Variants in FAM184B observed in about 807,000 individuals in gnomAD.
FAM184B encodes family with sequence similarity 184 member B.
FAM184B carries 111 observed loss-of-function variants against 135.9 expected under a neutral mutation model. The ratio of observed to expected loss-of-function variants is 0.82; its 90% CI spans 0.70 to 0.96. The LOEUF (loss-of-function observed/expected upper bound fraction) is 0.96. Among genes scored for constraint, FAM184B ranks in the 40% least tolerant of loss-of-function variants. The pLI, the probability that FAM184B is intolerant of heterozygous loss-of-function variation, is 0.00. For synonymous variants in FAM184B, 552 were observed against 524.8 expected (o/e 1.05, Z -0.71); for missense variants, 1,375 against 1,323.9 (o/e 1.04, Z -0.60).
chr4:17,689,607 T>C (rs10939748), intron 6 of FAM184B, among the ~76,000 whole-genome samples: 91,926 of 151,932 alleles, frequency 0.61, 28,363 homozygotes, highest in East Asian at 0.87. Context: ...GTCCATTTGC[T>C]CTGTGCCACC....
rs143271962 is a variant in FAM184B at position 17,742,077 on chromosome 4, G to A, written c.142-32433C>T. Among the ~76,000 whole-genome samples the A allele has an allele frequency of 5.2e-3, 781 of 150,312 alleles. 9 individuals carry two copies. Among genetic ancestry groups the A allele is most frequent in the African/African-American group, 0.018 (738 of 40,886 alleles). ...TTGGACACTTAAAAATTTACCAAGA[G>A]GGTAGCTCTCATGTTAAGTGTTCTC... On this transcript the variant is annotated intron_variant, in intron 1 of 17. Transcript: ENST00000265018.
intron 1 of FAM184B, among the ~76,000 whole-genome samples, chr4:17,742,168 A>ATTTTT (rs869228150): frequency 5.5e-5 from 6 of 109,286 alleles, no homozygotes; most frequent in African/African-American, 2.9e-4. Flanking sequence ...ATATATATAT[A>ATTTTT]TTTTTTTTTT....
At chr4:17,643,700 C>T (rs1389648838) in intron 12 of FAM184B, among the ~76,000 whole-genome samples, 1 of 152,198 alleles carries the variant, frequency 6.6e-6, no homozygotes, top group African/African-American at 2.4e-5. Context: ...ACAGAAATTG[C>T]CTTCCTATGC....
At chr4:17,695,768 G>A (rs1157317002) in intron 5 of FAM184B, among the ~76,000 whole-genome samples, 1 of 152,206 alleles carries the variant, frequency 6.6e-6, no homozygotes, top group Non-Finnish European at 1.5e-5. Flanking sequence ...GTCTGCATGT[G>A]TCAAGCTTGA....
At chr4:17,717,387 T>C (rs1484386640) in intron 1 of FAM184B, among the ~76,000 whole-genome samples, 1 of 152,182 alleles carries the variant, frequency 6.6e-6, no homozygotes, top group Non-Finnish European at 1.5e-5. Flanking sequence ...TTTTGAGCAG[T>C]CCGCTCTTCT....
intron 5 of FAM184B, among the ~76,000 whole-genome samples, chr4:17,697,886 A>G (rs6449325): frequency 0.61 from 93,003 of 151,982 alleles, 29,028 homozygotes; most frequent in East Asian, 0.93. Flanking sequence ...GATGGAAATA[A>G]TCAATTTCAG....
chr4:17,706,147 G>A lies in FAM184B; in HGVS notation c.1031-256C>T, dbSNP rs145757229. On this transcript the variant is annotated intron_variant, in intron 3 of 17. Transcript: ENST00000265018. ...TAACCTCCAAATCTTTTTGACTGCAGTTTCTATAGGTTAAAAAAGTTGAGC... is the reference window on the plus strand; with the variant it reads ...TAACCTCCAAATCTTTTTGACTGCAATTTCTATAGGTTAAAAAAGTTGAGC... Among the ~76,000 whole-genome samples, 918 of 152,254 alleles carry A rather than the reference G, an allele frequency of 6.0e-3. 7 individuals carry two copies. The highest frequency in any genetic ancestry group is 0.021 in the African/African-American group (876 of 41,528).
At chr4:17,672,904 A>G (rs1433445669) in intron 7 of FAM184B, among the ~76,000 whole-genome samples, 4 of 152,154 alleles carry the variant, frequency 2.6e-5, no homozygotes, top group Admixed American at 2.0e-4. Flanking sequence ...AGAATGATTT[A>G]GGGAGGGCTC....
chr4:17,671,689 A>C (rs1446868176), intron 7 of FAM184B, among the ~76,000 whole-genome samples: 2 of 152,108 alleles, frequency 1.3e-5, no homozygotes, highest in Non-Finnish European at 2.9e-5. Flanking sequence ...AAATAGTTAT[A>C]TGATTTACCT....
rs565245907 is a variant in FAM184B, at chr4:17,635,171, C to T, written c.2785-58G>A. On this transcript the variant is annotated intron_variant, in intron 15 of 17. Transcript: ENST00000265018. ...CCTAACCACACAGCACTGGGTTTGACTTGAAGGAAGATGGCTGTGAGGGCA... is the reference window on the plus strand; with the variant it reads ...CCTAACCACACAGCACTGGGTTTGATTTGAAGGAAGATGGCTGTGAGGGCA... 5.7e-5 allele frequency: 78 copies of T among 1,372,662 alleles called. No individual in the cohort carries two copies. The African/African-American group carries it at 1.1e-3, about 19-fold the overall frequency. The allele number at this position is 1,372,662 out of a possible 1,614,324, so 85.0% of individuals were successfully genotyped here. A position where few individuals can be genotyped will look rare whatever the true frequency, so the allele number is the denominator to read the frequency against.
In FAM184B at chr4:17,709,625, G is replaced by C; in HGVS notation, c.161C>G (p.Thr54Ser). ...QLTKVIYALN[T>S]RQDEAEASME... ...GCTGGCCTCAGCCTCATCCTGGCGG[G>C]TGTTCAGGGCATAAATCACCTGCAG... Residue 54 changes from threonine (T) to serine (S), a missense_variant, in exon 2 of 18, where the codon ACC becomes AGC. Physicochemically the swap from Thr to Ser is moderately conservative, Grantham distance 58. Coordinates refer to ENST00000265018, the MANE Select transcript of FAM184B (RefSeq NM_015688.2). 6.6e-7 allele frequency: 1 copy of C among 1,518,138 alleles called. No homozygotes were observed. The highest frequency in any genetic ancestry group is 8.8e-7 in the Non-Finnish European group (1 of 1,134,152). 94.0% of individuals were successfully genotyped at this position (1,518,138 alleles called of 1,614,324 possible). A position where few individuals can be genotyped will look rare whatever the true frequency, so the allele number is the denominator to read the frequency against.
intron 1 of FAM184B, among the ~76,000 whole-genome samples, chr4:17,770,928 A>G (rs141055088): frequency 5.9e-5 from 9 of 152,334 alleles, no homozygotes; most frequent in Non-Finnish European, 1.2e-4. Flanking sequence ...ACCACAACCA[A>G]CTTTAGAACA....
chr4:17,746,892 G>A (rs1462825008), intron 1 of FAM184B, among the ~76,000 whole-genome samples: 2 of 151,642 alleles, frequency 1.3e-5, no homozygotes, highest in African/African-American at 4.9e-5. Context: ...ACAAAAATTA[G>A]CTGGTTATGG....
rs1198873005 is a variant in FAM184B, at chr4:17,641,983, G to A, written c.2519+73C>T. 17 of 1,450,226 alleles carry A rather than the reference G, an allele frequency of 1.2e-5. No individual in the cohort carries two copies. The Admixed American group carries it at 1.7e-4, about 14-fold the overall frequency. The allele number at this position is 1,450,226 out of a possible 1,614,324, so 89.8% of individuals were successfully genotyped here. On this transcript the variant is annotated intron_variant, in intron 13 of 17. Coordinates refer to ENST00000265018, the MANE Select transcript of FAM184B (RefSeq NM_015688.2). ...TTTCAGGTCTCAGGCTCAGCCAGCC[G>A]CAGTAGGGGGAGGGGGGGTGGCGGG...
chr4:17,693,576 G>A (rs957905579), intron 5 of FAM184B, among the ~76,000 whole-genome samples, 164 bp from the exon 6 acceptor site: 4 of 152,246 alleles, frequency 2.6e-5, no homozygotes, highest in South Asian at 2.1e-4. Flanking sequence ...AAGAAAACAC[G>A]TGTTAACGTC....
At position 17,659,922 on chromosome 4, in the gene FAM184B, C is replaced by T. The variant is rs929140051; in HGVS notation, c.1824+36G>A. 4 of 1,547,144 alleles carry T rather than the reference C, an allele frequency of 2.6e-6. No homozygotes were observed. In the African/African-American group the frequency reaches 4.1e-5, roughly 16 times the overall value. On this transcript the variant is annotated intron_variant, in intron 9 of 17. Transcript: ENST00000265018. The stretch of plus-strand genomic sequence containing the variant: ...TTGTAAAAAGGAGGGGGCAGGATCT[C>T]AGGAAGGGGGCACATCCCCACCAGG...
chr4:17,653,844 A>G (rs1715699224), intron 10 of FAM184B, among the ~76,000 whole-genome samples: 1 of 95,516 alleles, frequency 1.0e-5, no homozygotes, highest in Non-Finnish European at 2.1e-5. Context: ...GTGGGCCTCA[A>G]TCACAAGGGT....
intron 1 of FAM184B, among the ~76,000 whole-genome samples, chr4:17,759,276 A>T (rs1718489564): frequency 6.6e-6 from 1 of 152,162 alleles, no homozygotes; most frequent in African/African-American, 2.4e-5. Context: ...GTGAGTTCTC[A>T]TGAGATCTGG....
rs1237593579 is a variant in FAM184B at position 17,664,535 on chromosome 4, C to T, written c.1694+27G>A. On this transcript the variant is annotated intron_variant, in intron 8 of 17. Transcript: ENST00000265018. ...ATCTGAGTCCTCATTCAATGGAGCA[C>T]TCAGAAGTCTGCATGTCCTCCTGTA... is the stretch of plus-strand genomic sequence containing the variant. The T allele has an allele frequency of 1.1e-5, 17 of 1,511,720 alleles. No homozygotes were observed. In the East Asian group the frequency reaches 4.2e-4, roughly 37 times the overall value. 93.6% of individuals were successfully genotyped at this position (1,511,720 alleles called of 1,614,324 possible). A position where few individuals can be genotyped will look rare whatever the true frequency, so the allele number is the denominator to read the frequency against.
Sources: gnomAD v4.1 joint callset for allele counts (sites outside exome capture counted in the v4.1 genomes callset) on GRCh38, gnomAD v4.1.1 for gene constraint, MANE v1.5 for transcripts, NCBI Gene and HGNC (gene_info 2026-07-23, HGNC 2026-07-21) for gene names.